Variants in CCDC102B observed in about 807,000 individuals in gnomAD.
The protein encoded by CCDC102B is coiled-coil domain containing 102B, also known as coiled-coil domain-containing protein 102B.
Under a neutral mutation model 57.4 loss-of-function variants are expected in CCDC102B, and 75 were observed. The observed-to-expected ratio is 1.31, with a 90% CI of 1.08 to 1.58. The LOEUF (loss-of-function observed/expected upper bound fraction) is 1.58. CCDC102B is among the 40% of genes most tolerant of loss of function. The probability of loss-of-function intolerance (pLI) is 0.00; values close to 1 mark genes in which losing one functional copy is unlikely to be tolerated. For missense variants in CCDC102B, 636 were observed against 582.6 expected, an observed-to-expected ratio of 1.09 and a Z score of -0.94; for synonymous variants, 206 against 201.9, an observed-to-expected ratio of 1.02 and a Z score of -0.17.
intron 3 of CCDC102B, among the ~76,000 whole-genome samples, chr18:68,840,596 C>T (rs1392543202): frequency 1.3e-5 from 2 of 152,178 alleles, no homozygotes; most frequent in African/African-American, 4.8e-5. Context: ...GGCTCGTACA[C>T]ATAGTGACAA....
rs533299679 is a variant in CCDC102B at position 68,879,625 on chromosome 18, C to A, written c.1053+4840C>A. Among the ~76,000 whole-genome samples, 19 of 152,230 alleles carry A rather than the reference C, an allele frequency of 1.2e-4. No homozygotes were observed. The South Asian group carries it at 3.5e-3, about 28-fold the overall frequency. On this transcript the variant is annotated intron_variant, in intron 5 of 7. Coordinates refer to ENST00000360242, the MANE Select transcript of CCDC102B (RefSeq NM_024781.3). ...TACAGAGTGTTGATTGGTGCATTCA[C>A]AAACCCTGAGATAGACACAGGGCGC...
intron 6 of CCDC102B, among the ~76,000 whole-genome samples, chr18:68,913,418 G>T (rs1462740546): frequency 1.3e-5 from 2 of 151,214 alleles, no homozygotes; most frequent in Admixed American, 6.6e-5. Context: ...AGGCTGAGGT[G>T]GGCAGATCAC....
chr18:69,009,924 A>AT (rs770668683), intron 6 of CCDC102B, among the ~76,000 whole-genome samples: 1,789 of 33,384 alleles, frequency 0.054, 402 homozygotes, highest in Middle Eastern at 0.2. Flanking sequence ...TTTAATAAAG[A>AT]TTTTTTTTTT....
chr18:68,948,299 A>G (rs2049596574), intron 6 of CCDC102B, among the ~76,000 whole-genome samples: 1 of 152,124 alleles, frequency 6.6e-6, no homozygotes, highest in Admixed American at 6.6e-5. Flanking sequence ...TAGATATAGC[A>G]TACCAATCTT....
At chr18:68,746,075 T>C (rs2033607062) in intron 2 of CCDC102B, among the ~76,000 whole-genome samples, 1 of 152,198 alleles carries the variant, frequency 6.6e-6, no homozygotes, top group South Asian at 2.1e-4. Flanking sequence ...AGTAGATCTT[T>C]ATTGTTATTA....
At chr18:68,979,128 G>A (rs1462316662) in intron 6 of CCDC102B, among the ~76,000 whole-genome samples, 1 of 151,982 alleles carries the variant, frequency 6.6e-6, no homozygotes, top group Non-Finnish European at 1.5e-5. Context: ...AGGTGGGTCC[G>A]CAGGGCTGTT....
At chr18:68,953,569 T>C (rs2049762198) in intron 6 of CCDC102B, among the ~76,000 whole-genome samples, 1 of 151,936 alleles carries the variant, frequency 6.6e-6, no homozygotes, top group Admixed American at 6.6e-5. Flanking sequence ...CATTAAGTTG[T>C]AAAAAGTACT....
chr18:68,814,492 C>T (rs532676906), intron 1 of CCDC102B, among the ~76,000 whole-genome samples: 118 of 152,148 alleles, frequency 7.8e-4, no homozygotes, highest in African/African-American at 2.6e-3. Context: ...TAGGTTAGTT[C>T]TTCATTCAAT....
intron 6 of CCDC102B, among the ~76,000 whole-genome samples, chr18:69,008,253 T>A (rs986201310): frequency 6.6e-6 from 1 of 152,214 alleles, no homozygotes; most frequent in African/African-American, 2.4e-5. Flanking sequence ...TTGAAAATTG[T>A]ATTCTGAAGA....
In CCDC102B at chr18:68,894,239, G is replaced by A. The variant is rs1396441916; in HGVS notation, c.1054-2980G>A. Among the ~76,000 whole-genome samples, 4 of 151,942 alleles carry A rather than the reference G, an allele frequency of 2.6e-5. No homozygotes were observed. The East Asian group carries it at 7.7e-4, about 29-fold the overall frequency. ...ATATTCATTCAGTAAGTGTAGTATT[G>A]GATATTTATGTACTTTTTCTCGACG... On this transcript the variant is annotated intron_variant, in intron 5 of 7. Transcript: ENST00000360242.
intron 7 of CCDC102B, among the ~76,000 whole-genome samples, chr18:69,042,661 G>C (rs981910842): frequency 1.3e-5 from 2 of 152,066 alleles, no homozygotes; most frequent in African/African-American, 4.8e-5. Context: ...CTAGATTACT[G>C]TAATAATCTC....
intron 1 of CCDC102B, among the ~76,000 whole-genome samples, chr18:68,818,976 C>T (rs977410): frequency 6.6e-6 from 1 of 151,816 alleles, no homozygotes; most frequent in Non-Finnish European, 1.5e-5. Context: ...ATGTGGTTAA[C>T]TTTTTCTTGT....
chr18:68,946,882 G>T (rs1204148534), intron 6 of CCDC102B, among the ~76,000 whole-genome samples: 1 of 151,914 alleles, frequency 6.6e-6, no homozygotes, highest in African/African-American at 2.4e-5. Flanking sequence ...GAATAATGCT[G>T]CAGGCCCTTG....
At chr18:68,795,679 T>C (rs992003559), upstream of CCDC102B, among the ~76,000 whole-genome samples, 1 of 152,172 alleles carries the variant, frequency 6.6e-6, no homozygotes, top group Admixed American at 6.6e-5. Context: ...CCTTGGAATA[T>C]GGTTCCCCCT....
intron 2 of CCDC102B, chr18:68,754,391 A>G (rs1184109849): frequency 2.6e-5 from 4 of 152,328 alleles, no homozygotes; most frequent in South Asian, 2.1e-4. Context: ...GAGCAAGCCT[A>G]TGTAGAAGTG....
rs1022023801 is a variant in CCDC102B, at chr18:68,957,464, T to C, written c.1264-53470T>C. Among the ~76,000 whole-genome samples, 15 of 152,014 alleles carry C rather than the reference T, an allele frequency of 9.9e-5. 1 individual carries two copies. The highest frequency in any genetic ancestry group is 7.2e-4 in the Admixed American group (11 of 15,244). On this transcript the variant is annotated intron_variant, in intron 6 of 7. Coordinates refer to ENST00000360242, the MANE Select transcript of CCDC102B (RefSeq NM_024781.3). ...TTCTGGATTATCTAATTTGTTCCATTGGTTTGTGAGTCTCTTTTTATGTCA... is the reference window on the plus strand; with the variant it reads ...TTCTGGATTATCTAATTTGTTCCATCGGTTTGTGAGTCTCTTTTTATGTCA...
intron 2 of CCDC102B, among the ~76,000 whole-genome samples, chr18:68,769,464 T>C (rs555390730): frequency 1.3e-5 from 2 of 151,986 alleles, no homozygotes; most frequent in African/African-American, 2.4e-5. Flanking sequence ...GGGTACACAA[T>C]TAGGTCCATA....
intron 1 of CCDC102B, among the ~76,000 whole-genome samples, chr18:68,832,579 T>C (rs568788197): frequency 6.6e-6 from 1 of 151,854 alleles, no homozygotes; most frequent in East Asian, 1.9e-4. Context: ...TAGTGATAGG[T>C]GGAAAAGAGG....
At chr18:68,775,013 C>A (rs1272519113) in intron 2 of CCDC102B, among the ~76,000 whole-genome samples, 1 of 150,178 alleles carries the variant, frequency 6.7e-6, no homozygotes, top group African/African-American at 2.4e-5. Context: ...TCATGTGTTG[C>A]CTTTCTTCTT....
Sources: allele counts gnomAD v4.1 joint callset (sites outside exome capture counted in the v4.1 genomes callset), GRCh38; gene constraint gnomAD v4.1.1; transcripts MANE v1.5; gene names NCBI Gene and HGNC (gene_info 2026-07-23, HGNC 2026-07-21).